SLC14A2: variants seen among roughly 807,000 people sequenced by gnomAD.
SLC14A2 encodes the protein urea transporter 2.
SLC14A2 carries 91 observed loss-of-function variants against 104.6 expected under a neutral mutation model. The observed-to-expected ratio is 0.87, with a 90% CI of 0.73 to 1.04. SLC14A2 has a LOEUF of 1.04. Ranked by LOEUF, SLC14A2 falls within the 50% of genes least tolerant of loss-of-function variation. SLC14A2 has a pLI of 0.00. For synonymous variants in SLC14A2, 476 were observed against 466.4 expected (o/e 1.02, Z -0.27); for missense variants, 1,189 against 1,156.0 (o/e 1.03, Z -0.41).
chr18:45,349,157 G>A (rs1458922787), intron 1 of SLC14A2, among the ~76,000 whole-genome samples: 1 of 152,166 alleles, frequency 6.6e-6, no homozygotes, highest in Admixed American at 6.5e-5. Flanking sequence ...CCTGTTCCTT[G>A]TCCATTTGGA....
At chr18:45,349,622 G>A (rs1048728268) in intron 1 of SLC14A2, among the ~76,000 whole-genome samples, 11 of 152,184 alleles carry the variant, frequency 7.2e-5, no homozygotes, top group Admixed American at 3.3e-4. Context: ...CACAGGTTGC[G>A]CAGTGAATGC....
chr18:45,552,213 C>T (rs1377925477), intron 2 of SLC14A2, among the ~76,000 whole-genome samples: 2 of 152,210 alleles, frequency 1.3e-5, no homozygotes, highest in African/African-American at 4.8e-5. Context: ...CTCCATGCAG[C>T]TTGCATTAGG....
the SLC14A2 span, among the ~76,000 whole-genome samples, chr18:45,188,225 T>A: frequency 0.36 from 55,147 of 151,954 alleles, 11,121 homozygotes; most frequent in Non-Finnish European, 0.47. Flanking sequence ...TAAGAGAGGT[T>A]AAACTTTGTG....
intron 1 of SLC14A2, among the ~76,000 whole-genome samples, chr18:45,386,160 T>C (rs893758503): frequency 4.6e-5 from 7 of 152,202 alleles, no homozygotes; most frequent in African/African-American, 1.7e-4. Flanking sequence ...TGAGTTATTC[T>C]GGGGTAAGTG....
intron 2 of SLC14A2, among the ~76,000 whole-genome samples, chr18:45,577,476 G>A (rs1373766863): frequency 1.3e-5 from 2 of 152,160 alleles, no homozygotes; most frequent in Non-Finnish European, 2.9e-5. Context: ...TTGTGAATCT[G>A]TTTTAAAACC....
At chr18:45,187,444 CA>C in the SLC14A2 span, among the ~76,000 whole-genome samples, 1 of 152,100 alleles carries the variant, frequency 6.6e-6, no homozygotes, top group Non-Finnish European at 1.5e-5. Context: ...AATTGTGGAA[CA>C]ATAAAGGTTT....
intron 1 of SLC14A2, among the ~76,000 whole-genome samples, chr18:45,449,696 A>T (rs2086827698): frequency 6.6e-6 from 1 of 152,204 alleles, no homozygotes; most frequent in African/African-American, 2.4e-5. Context: ...TAAGAAGAGA[A>T]GGAGTTGATG....
intron 2 of SLC14A2, among the ~76,000 whole-genome samples, chr18:45,600,466 C>T (rs1330771476): frequency 1.3e-5 from 2 of 152,172 alleles, no homozygotes; most frequent in Non-Finnish European, 2.9e-5. Context: ...ACAGGCCCTC[C>T]ACCTCAACCA....
intron 1 of SLC14A2, among the ~76,000 whole-genome samples, chr18:45,300,060 G>A (rs960351090): frequency 6.6e-6 from 1 of 152,132 alleles, no homozygotes; most frequent in Non-Finnish European, 1.5e-5. Context: ...ACATCCTTAA[G>A]TGTCCGTCTC....
At chr18:45,366,621 G>A (rs1407211055) in intron 1 of SLC14A2, among the ~76,000 whole-genome samples, 1 of 152,146 alleles carries the variant, frequency 6.6e-6, no homozygotes, top group African/African-American at 2.4e-5. Context: ...GCTGCTTTCA[G>A]ACTACCCAGA....
intron 1 of SLC14A2, among the ~76,000 whole-genome samples, chr18:45,415,617 A>C (rs1038261316): frequency 5.3e-5 from 8 of 152,166 alleles, no homozygotes; most frequent in Admixed American, 2.6e-4. Flanking sequence ...TAGAAAACTG[A>C]TAATGGTTGA....
At chr18:45,636,941 A>G in intron 5 of SLC14A2, 49 bp from the exon 6 acceptor site, 2 of 1,468,992 alleles carry the variant, frequency 1.4e-6, no homozygotes, top group Non-Finnish European at 1.9e-6. Flanking sequence ...GAGACAATGT[A>G]GACCTCAGGA....
chr18:45,554,662 TG>T (rs370727853), intron 2 of SLC14A2, among the ~76,000 whole-genome samples: 4 of 149,512 alleles, frequency 2.7e-5, no homozygotes, highest in African/African-American at 4.9e-5. Flanking sequence ...GATGGGGGTG[TG>T]GGGGGGAATA....
intron 2 of SLC14A2, among the ~76,000 whole-genome samples, chr18:45,577,398 G>C (rs2044431491): frequency 6.6e-6 from 1 of 152,110 alleles, no homozygotes; most frequent in Admixed American, 6.5e-5. Context: ...TAAGAGGAGA[G>C]TCACTAAGGC....
chr18:45,306,540 T>A (rs2085023428), intron 1 of SLC14A2, among the ~76,000 whole-genome samples: 1 of 152,224 alleles, frequency 6.6e-6, no homozygotes, highest in Non-Finnish European at 1.5e-5. Flanking sequence ...ACTGAAATTT[T>A]AATTTCATAT....
At chr18:45,610,816 A>G (rs2044960247), upstream of SLC14A2, among the ~76,000 whole-genome samples, 2 of 152,142 alleles carry the variant, frequency 1.3e-5, no homozygotes, top group African/African-American at 4.8e-5. Context: ...GTCTTCCCCA[A>G]CACCCACAGA....
At position 45,641,209 on chromosome 18, in the gene SLC14A2, C is replaced by T. The variant is rs2045522190; in HGVS notation, c.992C>T (p.Ala331Val). Residue 331 changes from alanine to valine, a missense_variant and splice_region_variant, in exon 8 of 20, where the codon GCC becomes GTC. Ala to Val is a moderately conservative substitution (Grantham distance 64). Transcript: ENST00000255226. ...AIGSIVGLLA[A>V]LSVATPFETI... is the part of the protein sequence containing the mutation. ...AGAAATACCACACCTTGTCCCATAG[C>T]CCTGTCAGTGGCCACACCCTTCGAG... 6.2e-7 allele frequency: 1 copy of T among 1,614,036 alleles called. No homozygotes were observed. The highest frequency in any genetic ancestry group is 1.1e-5 in the South Asian group (1 of 91,070).
Position 45,639,845 on chromosome 18 carries a change from C to T in SLC14A2, c.943C>T (p.Leu315Phe). Reference sequence around the variant, plus strand: ...GGTGGCTCTGTTCATCTCCTCGCCACTCATCTGCTTGCATGCAGCCATTGG... The same window carrying T: ...GGTGGCTCTGTTCATCTCCTCGCCATTCATCTGCTTGCATGCAGCCATTGG... ...FLVALFISSP[L>F]ICLHAAIGSI... Residue 315 changes from leucine (L) to phenylalanine (F), a missense_variant, in exon 7 of 20, where the codon CTC becomes TTC. Coordinates refer to ENST00000255226, the MANE Select transcript of SLC14A2 (RefSeq NM_007163.4). 1 of 1,613,924 alleles carries T rather than the reference C, an allele frequency of 6.2e-7. No individual in the cohort carries two copies. The highest frequency in any genetic ancestry group is 8.5e-7 in the Non-Finnish European group (1 of 1,180,000).
chr18:45,601,029 G>A (rs2044783443), intron 2 of SLC14A2, among the ~76,000 whole-genome samples: 2 of 152,292 alleles, frequency 1.3e-5, no homozygotes, highest in South Asian at 4.1e-4. Flanking sequence ...GGGGGACCAA[G>A]ACTCAAACTC....
Sources: allele counts gnomAD v4.1 joint callset (sites outside exome capture counted in the v4.1 genomes callset), GRCh38; gene constraint gnomAD v4.1.1; transcripts MANE v1.5; gene names NCBI Gene and HGNC (gene_info 2026-07-23, HGNC 2026-07-21).